GPHN: variants seen among roughly 807,000 people sequenced by gnomAD.
The protein encoded by GPHN is gephyrin.
In GPHN, 17 loss-of-function variants were observed where a neutral mutation model predicts 95.5. The ratio of observed to expected loss-of-function variants is 0.18; its 90% CI spans 0.12 to 0.27. GPHN has a LOEUF of 0.27. GPHN is among the 10% of genes least tolerant of loss of function. GPHN has a pLI of 1.00. For synonymous variants in GPHN, 320 were observed against 322.5 expected (o/e 0.99, Z 0.08); for missense variants, 660 against 978.1 (o/e 0.67, Z 4.34).
the GPHN span, among the ~76,000 whole-genome samples, chr14:67,439,585 C>CTT: frequency 1.5e-5 from 2 of 132,322 alleles, no homozygotes; most frequent in Non-Finnish European, 3.2e-5. Context: ...TTCTTTCTTT[C>CTT]TTTCTTTCTT....
chr14:66,695,522 G>A (rs1260149907), intron 2 of GPHN, among the ~76,000 whole-genome samples: 1 of 152,138 alleles, frequency 6.6e-6, no homozygotes, highest in Non-Finnish European at 1.5e-5. Flanking sequence ...TTATCCAAAT[G>A]TGTTGAAAAT....
chr14:67,328,681 C>T, the GPHN span, among the ~76,000 whole-genome samples: 1 of 152,174 alleles, frequency 6.6e-6, no homozygotes, highest in East Asian at 1.9e-4. Context: ...GATCCAGTTT[C>T]AGCTTTCTAC....
At chr14:66,671,555 C>G (rs1029540420) in intron 1 of GPHN, among the ~76,000 whole-genome samples, 2 of 152,112 alleles carry the variant, frequency 1.3e-5, no homozygotes, top group Non-Finnish European at 2.9e-5. Flanking sequence ...TGCATATAAT[C>G]ATTGTTTTGG....
chr14:67,005,737 C>A (rs1268831370), intron 9 of GPHN, among the ~76,000 whole-genome samples: 1 of 151,802 alleles, frequency 6.6e-6, no homozygotes, highest in South Asian at 2.1e-4. Context: ...GCATCACTTT[C>A]GAATCTACCT....
chr14:67,559,524 G>T, the GPHN span: 1 of 871,120 alleles, frequency 1.1e-6, no homozygotes, highest in Non-Finnish European at 1.9e-6. Flanking sequence ...ACGCACACTT[G>T]GCCTTTCTTG....
chr14:67,454,263 A>G, the GPHN span: 1 of 152,236 alleles, frequency 6.6e-6, no homozygotes, highest in African/African-American at 2.4e-5. Flanking sequence ...GCACCTACTA[A>G]ATACATAGCT....
chr14:67,353,099 A>G, the GPHN span: 9 of 1,291,430 alleles, frequency 7.0e-6, no homozygotes, highest in Non-Finnish European at 9.8e-6. Context: ...GACAAAAAAA[A>G]CCCTCCCCAC....
chr14:66,754,372 A>G (rs117894602), intron 2 of GPHN, among the ~76,000 whole-genome samples: 2,827 of 152,114 alleles, frequency 0.019, 37 homozygotes, highest in Non-Finnish European at 0.025. Flanking sequence ...TGAATATTCA[A>G]TTTATACTAC....
chr14:66,851,331 T>C (rs1384033403), intron 4 of GPHN, among the ~76,000 whole-genome samples: 1 of 151,982 alleles, frequency 6.6e-6, no homozygotes, highest in Non-Finnish European at 1.5e-5. Context: ...CTTTGACTTT[T>C]AGCACTACAG....
At chr14:66,599,380 A>ATTT (rs142321214) in intron 1 of GPHN, among the ~76,000 whole-genome samples, 1,681 of 111,184 alleles carry the variant, frequency 0.015, 19 homozygotes, top group Non-Finnish European at 0.017. Flanking sequence ...CTGATTTTAC[A>ATTT]TTTTTTTTTG....
chr14:66,888,605 G>A (rs1468597218), intron 5 of GPHN, among the ~76,000 whole-genome samples: 1 of 151,820 alleles, frequency 6.6e-6, no homozygotes, highest in Non-Finnish European at 1.5e-5. Context: ...AAAAAAATGA[G>A]AAAAGAATTA....
chr14:66,845,383 A>C (rs980855156), intron 4 of GPHN, among the ~76,000 whole-genome samples: 1 of 152,178 alleles, frequency 6.6e-6, no homozygotes, highest in African/African-American at 2.4e-5. Flanking sequence ...AGGCTACAGA[A>C]GGCCAAATGA....
At chr14:67,321,351 G>A in the GPHN span, 175 of 1,178,440 alleles carry the variant, frequency 1.5e-4, no homozygotes, top group Non-Finnish European at 1.8e-4. Flanking sequence ...CAAGAACAGC[G>A]CGACCTAATT....
intron 18 of GPHN, among the ~76,000 whole-genome samples, chr14:67,152,354 C>A (rs942359042): frequency 6.6e-6 from 1 of 152,110 alleles, no homozygotes; most frequent in Admixed American, 6.6e-5. Context: ...TGATAAATTA[C>A]TTTTAGCAAA....
chr14:67,312,164 G>C, the GPHN span: 1 of 155,196 alleles, frequency 6.4e-6, no homozygotes, highest in Non-Finnish European at 1.4e-5. Context: ...GAACAGTGTT[G>C]TGGATATCCT....
chr14:66,571,757 G>A lies in GPHN; in HGVS notation c.64+63166G>A, dbSNP rs573109075. ...ACCTGGGAGTCGGAGCTTACAGTGA[G>A]CCGAGATCGTGCCACTGCATTCTAG... On this transcript the variant is annotated intron_variant, in intron 1 of 22. Transcript: ENST00000478722. Among the ~76,000 whole-genome samples, 4 of 152,228 alleles carry A rather than the reference G, an allele frequency of 2.6e-5. No homozygotes were observed. The East Asian group carries it at 5.8e-4, about 22-fold the overall frequency.
chr14:66,709,636 T>C (rs12590096), intron 2 of GPHN, among the ~76,000 whole-genome samples: 49,890 of 152,062 alleles, frequency 0.33, 12,013 homozygotes, highest in African/African-American at 0.66. Flanking sequence ...ATATTTCAGA[T>C]CACAGTTGAC....
chr14:66,608,720 AC>A (rs751220563), intron 1 of GPHN, among the ~76,000 whole-genome samples: 1 of 151,900 alleles, frequency 6.6e-6, no homozygotes, highest in Non-Finnish European at 1.5e-5. Flanking sequence ...GTTGAATGGA[AC>A]CCTTTGCCAC....
At chr14:67,126,070 G>A (rs995942922) in intron 17 of GPHN, among the ~76,000 whole-genome samples, 2 of 152,028 alleles carry the variant, frequency 1.3e-5, no homozygotes, top group Non-Finnish European at 2.9e-5. Context: ...GATTACTGGA[G>A]GGATGCTTCA....
Sources: allele counts gnomAD v4.1 joint callset (sites outside exome capture counted in the v4.1 genomes callset), GRCh38; gene constraint gnomAD v4.1.1; transcripts MANE v1.5; gene names NCBI Gene and HGNC (gene_info 2026-07-23, HGNC 2026-07-21).